The following CDKAL1 variants were observed in gnomAD, a reference collection of about 807,000 sequenced individuals.
CDKAL1 encodes the protein CDKAL1 threonylcarbamoyladenosine tRNA methylthiotransferase, also known as threonylcarbamoyladenosine tRNA methylthiotransferase.
CDKAL1 carries 32 observed loss-of-function variants against 68.2 expected under a neutral mutation model. The ratio of observed to expected loss-of-function variants is 0.47; its 90% CI spans 0.35 to 0.63. The LOEUF is 0.63. Ranked by LOEUF, CDKAL1 falls within the 30% of genes least tolerant of loss-of-function variation. The pLI, the probability that CDKAL1 is intolerant of heterozygous loss-of-function variation, is 0.00. For missense variants in CDKAL1, 606 were observed against 696.7 expected (o/e 0.87, Z 1.47); for synonymous variants, 234 against 244.3 (o/e 0.96, Z 0.39).
At chr6:20,761,487 A>G (rs934468381) in intron 7 of CDKAL1, among the ~76,000 whole-genome samples, 4 of 152,218 alleles carry the variant, frequency 2.6e-5, no homozygotes, top group African/African-American at 9.6e-5. Context: ...TAGTAGCTTT[A>G]TTTGTAATTA....
rs1057402576 is a variant in CDKAL1 at position 20,570,229 on chromosome 6, G to A, written c.286+21524G>A. On this transcript the variant is annotated intron_variant, in intron 4 of 15. Coordinates refer to ENST00000274695, the MANE Select transcript of CDKAL1 (RefSeq NM_017774.3). ...AGCGATTCTCCTGCCTCAGCCTCCCGAGTAGCTGGGACTACAGGCGTATGA... is the reference window on the plus strand; with the variant it reads ...AGCGATTCTCCTGCCTCAGCCTCCCAAGTAGCTGGGACTACAGGCGTATGA... 7.2e-5 allele frequency among the ~76,000 whole-genome samples: 11 copies of A among 151,776 alleles called. No individual in the cohort carries two copies. The East Asian group carries it at 7.7e-4, about 11-fold the overall frequency.
intron 11 of CDKAL1, among the ~76,000 whole-genome samples, chr6:21,064,138 G>A (rs1446030241): frequency 6.6e-6 from 1 of 152,164 alleles, no homozygotes; most frequent in African/African-American, 2.4e-5. Flanking sequence ...GACTTGGAGT[G>A]CTACACACAA....
At chr6:20,657,852 CCTTA>C (rs1769097991) in intron 5 of CDKAL1, among the ~76,000 whole-genome samples, 1 of 151,966 alleles carries the variant, frequency 6.6e-6, no homozygotes, top group South Asian at 2.1e-4. Flanking sequence ...ATGTTATTGC[CCTTA>C]CTAATTTAGA....
chr6:20,646,330 C>T lies in CDKAL1; in HGVS notation c.287-2963C>T, dbSNP rs1768459062. Among the ~76,000 whole-genome samples, 3 of 151,608 alleles carry T rather than the reference C, an allele frequency of 2.0e-5. No individual in the cohort carries two copies. In the South Asian group the frequency reaches 6.3e-4, roughly 32 times the overall value. On this transcript the variant is annotated intron_variant, in intron 4 of 15. Transcript: ENST00000274695. ...TCGGCCTCCCAAAGTGCTGGGATTA[C>T]AGGTGTGAGCCACTGCACCTGGCCA...
chr6:20,827,322 A>T (rs956655686), intron 8 of CDKAL1, among the ~76,000 whole-genome samples: 7 of 152,188 alleles, frequency 4.6e-5, no homozygotes, highest in Admixed American at 1.3e-4. Flanking sequence ...TATTAGCTAA[A>T]TATATGTAAA....
chr6:20,933,998 A>G (rs1019834012), intron 9 of CDKAL1, among the ~76,000 whole-genome samples: 2 of 151,586 alleles, frequency 1.3e-5, no homozygotes, highest in African/African-American at 2.4e-5. Flanking sequence ...TTATATATAT[A>G]TGGACTGTGG....
At chr6:21,183,064 A>C (rs1777852432) in intron 13 of CDKAL1, among the ~76,000 whole-genome samples, 1 of 152,112 alleles carries the variant, frequency 6.6e-6, no homozygotes, top group Non-Finnish European at 1.5e-5. Context: ...AAGAATGATA[A>C]ATATTTATAC....
At chr6:20,743,721 T>A (rs9358363) in intron 6 of CDKAL1, among the ~76,000 whole-genome samples, 2 of 152,040 alleles carry the variant, frequency 1.3e-5, no homozygotes, top group Admixed American at 6.6e-5. Context: ...ATAACAACAT[T>A]GAAACCAGAA....
Position 21,140,774 on chromosome 6 carries a change from T to C in CDKAL1, c.1299+32311T>C, listed in dbSNP as rs184577432. Among the ~76,000 whole-genome samples the C allele has an allele frequency of 2.0e-5, 3 of 152,310 alleles. No homozygotes were observed. In the East Asian group the frequency reaches 5.8e-4, roughly 29 times the overall value. On this transcript the variant is annotated intron_variant, in intron 13 of 15. Transcript: ENST00000274695. Reference sequence around the variant, plus strand: ...CCTTAAAAACTTGTCCTGCTTGCTATGTGTATTAGTCCGTTTTCAGGCTGC... The same window carrying C: ...CCTTAAAAACTTGTCCTGCTTGCTACGTGTATTAGTCCGTTTTCAGGCTGC...
At chr6:21,155,784 A>C (rs111474695) in intron 13 of CDKAL1, among the ~76,000 whole-genome samples, 2 of 152,226 alleles carry the variant, frequency 1.3e-5, no homozygotes, top group Non-Finnish European at 2.9e-5. Flanking sequence ...TGAGAAGGGC[A>C]GCCTGACAGT....
At chr6:20,985,047 A>G (rs1766378186) in intron 10 of CDKAL1, among the ~76,000 whole-genome samples, 1 of 152,070 alleles carries the variant, frequency 6.6e-6, no homozygotes, top group African/African-American at 2.4e-5. Flanking sequence ...TTCCTCTGTA[A>G]TCATTCCAAT....
chr6:20,944,276 A>G (rs1049711016), intron 9 of CDKAL1, among the ~76,000 whole-genome samples: 3 of 152,042 alleles, frequency 2.0e-5, no homozygotes, highest in Non-Finnish European at 4.4e-5. Flanking sequence ...TATTGTGTCA[A>G]TTTTTCTAGT....
chr6:20,880,888 G>A (rs1760777159), intron 9 of CDKAL1, among the ~76,000 whole-genome samples: 1 of 152,132 alleles, frequency 6.6e-6, no homozygotes, highest in Non-Finnish European at 1.5e-5. Flanking sequence ...TTTACAGATG[G>A]CTTGAATGTG....
At chr6:21,156,175 C>A (rs9366384) in intron 13 of CDKAL1, among the ~76,000 whole-genome samples, 51,119 of 151,614 alleles carry the variant, frequency 0.34, 8,898 homozygotes, top group African/African-American at 0.42. Flanking sequence ...AATCCTAGCA[C>A]TTTGGGAAGC....
chr6:20,864,828 G>T (rs1581724199), intron 9 of CDKAL1, among the ~76,000 whole-genome samples: 1 of 152,058 alleles, frequency 6.6e-6, no homozygotes, highest in Non-Finnish European at 1.5e-5. Context: ...ATAAGTAAAA[G>T]TTTATTGTAC....
At chr6:20,877,840 C>G (rs910920224) in intron 9 of CDKAL1, among the ~76,000 whole-genome samples, 2 of 152,102 alleles carry the variant, frequency 1.3e-5, no homozygotes, top group African/African-American at 4.8e-5. Context: ...AATCCTAGCC[C>G]CTTAGGCTGG....
At chr6:20,860,621 C>G (rs1325608912) in intron 9 of CDKAL1, among the ~76,000 whole-genome samples, 1 of 151,862 alleles carries the variant, frequency 6.6e-6, no homozygotes, top group African/African-American at 2.4e-5. Flanking sequence ...ATCAAGAGAT[C>G]GAGACCATCG....
intron 9 of CDKAL1, among the ~76,000 whole-genome samples, chr6:20,877,561 T>G (rs1446597806): frequency 6.6e-6 from 1 of 152,208 alleles, no homozygotes; most frequent in Non-Finnish European, 1.5e-5. Context: ...TGACTCACTG[T>G]GTATTACCGC....
chr6:20,882,702 A>G (rs183127201), intron 9 of CDKAL1, among the ~76,000 whole-genome samples: 1 of 152,112 alleles, frequency 6.6e-6, no homozygotes, highest in African/African-American at 2.4e-5. Context: ...GAAGCATCCT[A>G]GGTTGCTTGC....
Sources: allele counts gnomAD v4.1 joint callset (sites outside exome capture counted in the v4.1 genomes callset), GRCh38; gene constraint gnomAD v4.1.1; transcripts MANE v1.5; gene names NCBI Gene and HGNC (gene_info 2026-07-23, HGNC 2026-07-21).